TEKT5: variants seen among roughly 807,000 people sequenced by gnomAD.
TEKT5 encodes the protein tektin-5.
A neutral mutation model predicts 48.7 loss-of-function variants in TEKT5; 52 were observed. The observed-to-expected ratio is 1.07, with a 90% CI of 0.86 to 1.35. The LOEUF is 1.35. Ranked by LOEUF, TEKT5 falls within the 40% of genes most tolerant of loss-of-function variation. The pLI is 0.00. For missense variants in TEKT5, 831 were observed against 641.6 expected, an observed-to-expected ratio of 1.30 and a Z score of -3.19; for synonymous variants, 318 against 267.6, an observed-to-expected ratio of 1.19 and a Z score of -1.84.
chr16:10,680,653 T>C (rs1257121737), intron 4 of TEKT5, among the ~76,000 whole-genome samples: 2 of 151,706 alleles, frequency 1.3e-5, no homozygotes, highest in African/African-American at 2.4e-5. Context: ...ATGTGGCACA[T>C]ATACACCATG....
At chr16:10,685,331 G>C (rs980217562) in intron 3 of TEKT5, among the ~76,000 whole-genome samples, 2 of 151,782 alleles carry the variant, frequency 1.3e-5, no homozygotes, top group African/African-American at 4.8e-5. Flanking sequence ...AGACAGTCTT[G>C]CTCTGTGGCC....
chr16:10,687,036 C>A lies in TEKT5; in HGVS notation c.719+2217G>T, dbSNP rs556440043. On this transcript the variant is annotated intron_variant, in intron 3 of 6. Transcript: ENST00000283025. ...ACATGTATGTGGAATCTAAAACAAG[C>A]GAACAAATAAAAGCACAGAGTAGAA... Among the ~76,000 whole-genome samples, 4 of 152,112 alleles carry A rather than the reference C, an allele frequency of 2.6e-5. No individual in the cohort carries two copies. In the South Asian group the frequency reaches 8.3e-4, roughly 32 times the overall value.
chr16:10,689,819 C>A, intron 2 of TEKT5, 123 bp downstream of exon 2: 1 of 896,480 alleles, frequency 1.1e-6, no homozygotes, highest in South Asian at 1.6e-5. Context: ...GCTTCCTGAG[C>A]CCTCACTTTC....
intron 5 of TEKT5, among the ~76,000 whole-genome samples, chr16:10,668,432 C>T (rs1898495560): frequency 6.6e-6 from 1 of 152,156 alleles, no homozygotes; most frequent in Non-Finnish European, 1.5e-5. Context: ...AGGGCTGGGC[C>T]GGTTTTAGAA....
At chr16:10,634,159 G>T (rs952385842) in intron 6 of TEKT5, among the ~76,000 whole-genome samples, 1 of 152,042 alleles carries the variant, frequency 6.6e-6, no homozygotes, top group African/African-American at 2.4e-5. Context: ...CAACCTCTCT[G>T]GACCTCAATT....
chr16:10,649,062 G>C (rs1258670083), intron 5 of TEKT5, among the ~76,000 whole-genome samples: 1 of 151,844 alleles, frequency 6.6e-6, no homozygotes, highest in Non-Finnish European at 1.5e-5. Context: ...TGATCCTTCT[G>C]CCTCAGCCAC....
At chr16:10,648,505 T>A (rs1038391068) in intron 5 of TEKT5, among the ~76,000 whole-genome samples, 1 of 152,150 alleles carries the variant, frequency 6.6e-6, no homozygotes, top group African/African-American at 2.4e-5. Flanking sequence ...ATTTATTTAT[T>A]TTTGTTAGTA....
chr16:10,679,897 C>CAGATAAATAAAT (rs67108171), intron 4 of TEKT5, among the ~76,000 whole-genome samples: 8 of 150,316 alleles, frequency 5.3e-5, no homozygotes, highest in African/African-American at 1.9e-4. Flanking sequence ...AACTCGGTCT[C>CAGATAAATAAAT]AAATAAATAA....
chr16:10,632,207 C>A (rs914764111), intron 6 of TEKT5, among the ~76,000 whole-genome samples: 1 of 152,196 alleles, frequency 6.6e-6, no homozygotes, highest in Non-Finnish European at 1.5e-5. Flanking sequence ...ATATGGTGAA[C>A]CCTAGCCACA....
intron 5 of TEKT5, among the ~76,000 whole-genome samples, chr16:10,663,114 T>C (rs1567231043): frequency 6.6e-6 from 1 of 152,124 alleles, no homozygotes; most frequent in African/African-American, 2.4e-5. Flanking sequence ...TCTCTGGCCA[T>C]GCATGGGGTG....
At chr16:10,629,224 A>C (rs566601355) in intron 6 of TEKT5, among the ~76,000 whole-genome samples, 65 of 152,224 alleles carry the variant, frequency 4.3e-4, no homozygotes, top group African/African-American at 1.4e-3. Flanking sequence ...CACTGATGGT[A>C]AATTTTGTGT....
chr16:10,632,869 GACACACACACAC>G (rs35503579), intron 6 of TEKT5, among the ~76,000 whole-genome samples: 26 of 131,732 alleles, frequency 2.0e-4, no homozygotes, highest in Middle Eastern at 3.8e-3. Flanking sequence ...CACAGATGCA[GACACACACACAC>G]ACACACACAC....
In TEKT5 at chr16:10,642,923, C is replaced by G. The variant is rs533460491; in HGVS notation, c.1087-7005G>C. On this transcript the variant is annotated intron_variant, in intron 5 of 6. Coordinates refer to ENST00000283025, the MANE Select transcript of TEKT5 (RefSeq NM_144674.2). ...GAGGAATAAGTTCCAGTGTTTTATG[C>G]CACTGTAGGATGACTGAAACATAAG... 7.9e-5 allele frequency among the ~76,000 whole-genome samples: 12 copies of G among 152,174 alleles called. No individual in the cohort carries two copies. In the South Asian group the frequency reaches 1.2e-3, roughly 16 times the overall value.
chr16:10,693,884 C>T (rs113771578), intron 1 of TEKT5, among the ~76,000 whole-genome samples: 5,160 of 152,200 alleles, frequency 0.034, 136 homozygotes, highest in Non-Finnish European at 0.048. Context: ...GCACGAGAGT[C>T]GCTTGAACCC....
In TEKT5 at chr16:10,694,527, G is replaced by C. The variant is rs139407466; in HGVS notation, c.347C>G (p.Thr116Arg). 6 of 1,608,390 alleles carry C rather than the reference G, an allele frequency of 3.7e-6. No individual in the cohort carries two copies. The African/African-American group carries it at 4.0e-5, about 11-fold the overall frequency. The change falls in exon 1 of 7, where the codon ACG (threonine) becomes AGG (arginine). Residue 116 changes from threonine (T) to arginine (R), a missense_variant. Coordinates refer to ENST00000283025, the MANE Select transcript of TEKT5 (RefSeq NM_144674.2). The stretch of plus-strand genomic sequence containing the variant: ...CTGCAAGAGCCTCATGGAGTCATCC[G>C]TCAGCCGGCTGGCCCACAGCCGGGA... ...EASRLWASRL[T>R]DDSMRLLQDK...
intron 5 of TEKT5, among the ~76,000 whole-genome samples, chr16:10,673,181 G>C (rs1020241040): frequency 1.3e-5 from 2 of 152,220 alleles, no homozygotes; most frequent in African/African-American, 4.8e-5. Context: ...GAGATGGTGA[G>C]TGCAAATAAA....
rs1309803007 is a variant in TEKT5 at position 10,640,163 on chromosome 16, G to A, written c.1087-4245C>T. On this transcript the variant is annotated intron_variant, in intron 5 of 6. Coordinates refer to ENST00000283025, the MANE Select transcript of TEKT5 (RefSeq NM_144674.2). ...CCCTTTCTTCCCCTCCTCCTCCTCCGTGTGACAGGGTCTCTGTTGCTCAGA... is the reference window on the plus strand; with the variant it reads ...CCCTTTCTTCCCCTCCTCCTCCTCCATGTGACAGGGTCTCTGTTGCTCAGA... Among the ~76,000 whole-genome samples, 4 of 95,280 alleles carry A rather than the reference G, an allele frequency of 4.2e-5. No individual in the cohort carries two copies. The Admixed American group carries it at 4.4e-4, about 10-fold the overall frequency. The allele number at this position is 95,280 out of a possible 152,430, so 62.5% of individuals were successfully genotyped here.
intron 6 of TEKT5, among the ~76,000 whole-genome samples, chr16:10,635,077 G>C (rs1261277010): frequency 6.6e-6 from 1 of 152,138 alleles, no homozygotes; most frequent in Non-Finnish European, 1.5e-5. Flanking sequence ...GAGTGGCCAA[G>C]TGGTTTGCCC....
intron 5 of TEKT5, among the ~76,000 whole-genome samples, chr16:10,651,013 G>A (rs918909891): frequency 6.6e-6 from 1 of 152,158 alleles, no homozygotes. Context: ...AGAGGCAGAC[G>A]GCTGCATGGG....
Sources: allele counts gnomAD v4.1 joint callset (sites outside exome capture counted in the v4.1 genomes callset), GRCh38; gene constraint gnomAD v4.1.1; transcripts MANE v1.5; gene names NCBI Gene and HGNC (gene_info 2026-07-23, HGNC 2026-07-21).